The following STRA8 variants were observed in gnomAD, a reference collection of about 807,000 sequenced individuals.
STRA8 encodes stimulated by retinoic acid gene 8 protein homolog.
A neutral mutation model predicts 37.1 loss-of-function variants in STRA8; 18 were observed. That is an observed-to-expected ratio of 0.48 (90% CI 0.34 to 0.72). STRA8 has a LOEUF of 0.72. Among genes scored for constraint, STRA8 ranks in the 30% least tolerant of loss-of-function variants. The probability of loss-of-function intolerance (pLI) is 0.01; values close to 1 mark genes in which losing one functional copy is unlikely to be tolerated. For missense variants in STRA8, 357 were observed against 410.4 expected, an observed-to-expected ratio of 0.87 and a Z score of 1.13; for synonymous variants, 168 against 162.9, an observed-to-expected ratio of 1.03 and a Z score of -0.24.
At chr7:135,250,404 T>A (rs1832620389) in intron 6 of STRA8, among the ~76,000 whole-genome samples, 1 of 152,294 alleles carries the variant, frequency 6.6e-6, no homozygotes, top group Non-Finnish European at 1.5e-5. Context: ...TGATGGACAC[T>A]GAAGCACAGG....
chr7:135,246,463 G>A lies in STRA8; in HGVS notation c.640G>A (p.Gly214Arg), dbSNP rs775801239. ...KQTMDLLTGS[G>R]IITPQEAALP... ...GACGATGGACCTTCTGACTGGCAGC[G>A]GGATCATTACCCCGCAGGAGGCGGC... The change falls in exon 6 of 9, where the codon GGG (glycine) becomes AGG (arginine). Residue 214 changes from glycine to arginine, a missense_variant. Physicochemically the swap from Gly to Arg is moderately radical, Grantham distance 125. Transcript: ENST00000662584. The surrounding 1 kb of genome is among the most constrained non-coding windows in gnomAD (Gnocchi z 5.4). 5 of 1,598,932 alleles carry A rather than the reference G, an allele frequency of 3.1e-6. No homozygotes were observed. The highest frequency in any genetic ancestry group is 4.3e-6 in the Non-Finnish European group (5 of 1,172,282).
At position 135,246,495 on chromosome 7, in the gene STRA8, C is replaced by T. The variant is rs1832557110; in HGVS notation, c.672C>T (p.Pro224=). ...GIITPQEAAL[P]IVSAAISHLW... is the part of the protein sequence containing the mutation. ...TTACCCCGCAGGAGGCGGCGCTGCC[C>T]ATCGTCTCCGCGGCCATCTCCCACC... is the stretch of plus-strand genomic sequence containing the variant. The change falls in exon 6 of 9, where the codon CCC becomes CCT. Residue 224 remains proline (P), a synonymous_variant. Transcript: ENST00000662584. This position sits in a 1 kb window ranked among gnomAD's most constrained non-coding sequence, Gnocchi z 5.4. 4 of 1,580,314 alleles carry T rather than the reference C, an allele frequency of 2.5e-6. No individual in the cohort carries two copies. The highest frequency in any genetic ancestry group is 1.3e-5 in the African/African-American group (1 of 74,150).
At chr7:135,234,812 AG>A (rs1252366311) in intron 1 of STRA8, among the ~76,000 whole-genome samples, 1 of 152,222 alleles carries the variant, frequency 6.6e-6, no homozygotes. Context: ...TTAGACTGAA[AG>A]GTTATGTTTG....
In STRA8 at chr7:135,240,600, G is replaced by A. The variant is rs1205996229; in HGVS notation, c.76G>A (p.Glu26Lys). 1 of 1,614,196 alleles carries A rather than the reference G, an allele frequency of 6.2e-7. No individual in the cohort carries two copies. Among genetic ancestry groups the A allele is most frequent in the Admixed American group, 1.7e-5 (1 of 60,032 alleles). ...GCTGCCAGCACAGCTGCAGGAGCTT[G>A]AGCATCGGGTGGCCCGGAGACGGCT... ...PQLPAQLQEL[E>K]HRVARRRLSQ... Residue 26 changes from glutamate (E) to lysine (K), a missense_variant, in exon 2 of 9, where the codon GAG becomes AAG. Transcript: ENST00000662584.
In STRA8 at chr7:135,246,317, GT is replaced by G. The variant is rs543237428; in HGVS notation, c.594-99del. On this transcript the variant is annotated intron_variant, in intron 5 of 8. Coordinates refer to ENST00000662584, the MANE Select transcript of STRA8 (RefSeq NM_001394401.1). The surrounding 1 kb of genome is among the most constrained non-coding windows in gnomAD (Gnocchi z 5.4). Reference sequence around the variant, plus strand: ...CTCAGCCCTGGTGAGCCGTGGCGCCGTGGCCGGGCCTGCGTGCTGGGGTCCA... The same window carrying G: ...CTCAGCCCTGGTGAGCCGTGGCGCCGGGCCGGGCCTGCGTGCTGGGGTCCA... 780 of 1,494,076 alleles carry G rather than the reference GT, an allele frequency of 5.2e-4. 4 individuals are homozygous for G. Among genetic ancestry groups the G allele is most frequent in the South Asian group, 4.8e-3 (393 of 82,028 alleles). 92.6% of individuals were successfully genotyped at this position (1,494,076 alleles called of 1,614,324 possible). A position where few individuals can be genotyped will look rare whatever the true frequency, so the allele number is the denominator to read the frequency against.
At chr7:135,257,097 T>C (rs1018874565) in intron 8 of STRA8, among the ~76,000 whole-genome samples, 2 of 152,188 alleles carry the variant, frequency 1.3e-5, no homozygotes, top group African/African-American at 4.8e-5. Flanking sequence ...CCTGCCCCTA[T>C]CAGGAGAGCA....
At chr7:135,238,328 C>T (rs1006583952) in intron 1 of STRA8, among the ~76,000 whole-genome samples, 3 of 152,202 alleles carry the variant, frequency 2.0e-5, no homozygotes, top group Non-Finnish European at 2.9e-5. Flanking sequence ...TAGGGGCGAG[C>T]AGCCCTGGCG....
At chr7:135,253,877 T>G (rs1452516115) in intron 7 of STRA8, among the ~76,000 whole-genome samples, 2 of 152,226 alleles carry the variant, frequency 1.3e-5, no homozygotes, top group Non-Finnish European at 2.9e-5. Flanking sequence ...AATGAATATC[T>G]CATTGTCCTC....
Position 135,243,416 on chromosome 7 carries a change from A to G in STRA8, c.353+6A>G, listed in dbSNP as rs1242735133. Reference sequence around the variant, plus strand: ...ATGTATTCTGGAAATGACAGGTAAGACACCACAAACCCCAGGAAGCTGGGG... The same window carrying G: ...ATGTATTCTGGAAATGACAGGTAAGGCACCACAAACCCCAGGAAGCTGGGG... On this transcript the variant is annotated splice_donor_region_variant and intron_variant, in intron 4 of 8. Transcript: ENST00000662584. The G allele has an allele frequency of 6.2e-7, 1 of 1,613,838 alleles. No individual in the cohort carries two copies.
chr7:135,237,374 A>G (rs1177796115), intron 1 of STRA8, among the ~76,000 whole-genome samples: 5 of 152,216 alleles, frequency 3.3e-5, no homozygotes, highest in East Asian at 3.8e-4. Context: ...TTTTTAAGTA[A>G]CAGATCACTT....
rs1832735922 is a variant in STRA8 at position 135,258,565 on chromosome 7, G to C, written c.*73G>C. ...CCCAAGGTTGAATGCTGGCAGCTAA[G>C]GTTGCACCTGCCTTGGCCTCCAGGA... On this transcript the variant is annotated 3_prime_UTR_variant, in exon 9 of 9. Coordinates refer to ENST00000662584, the MANE Select transcript of STRA8 (RefSeq NM_001394401.1). The C allele has an allele frequency of 1.5e-6, 2 of 1,326,188 alleles. No homozygotes were observed. Among genetic ancestry groups the C allele is most frequent in the African/African-American group, 1.5e-5 (1 of 68,494 alleles). 82.2% of individuals were successfully genotyped at this position (1,326,188 alleles called of 1,614,324 possible).
intron 1 of STRA8, among the ~76,000 whole-genome samples, chr7:135,235,287 G>A (rs1477002389): frequency 6.6e-6 from 1 of 152,148 alleles, no homozygotes; most frequent in African/African-American, 2.4e-5. Flanking sequence ...CAGAGAGAGT[G>A]TTCAGTAAAC....
intron 7 of STRA8, among the ~76,000 whole-genome samples, chr7:135,252,938 A>ATT (rs888085048): frequency 6.7e-6 from 1 of 148,262 alleles, no homozygotes; most frequent in African/African-American, 2.5e-5. Flanking sequence ...CTTTAAAAAA[A>ATT]TTTTTTTTTT....
At chr7:135,251,537 T>G (rs1476876112) in intron 6 of STRA8, among the ~76,000 whole-genome samples, 1 of 152,130 alleles carries the variant, frequency 6.6e-6, no homozygotes, top group Admixed American at 6.5e-5. Flanking sequence ...GCAAGAGGAA[T>G]CACAATCCCC....
intron 8 of STRA8, among the ~76,000 whole-genome samples, chr7:135,256,751 G>C (rs1832708715): frequency 6.6e-6 from 1 of 152,190 alleles, no homozygotes; most frequent in South Asian, 2.1e-4. Flanking sequence ...GTTACAGTGA[G>C]CTGAGATCAA....
upstream of STRA8, chr7:135,232,096 C>A (rs373193588): frequency 6.2e-6 from 7 of 1,138,062 alleles, no homozygotes; most frequent in African/African-American, 3.1e-5. Context: ...GGGTGCACAT[C>A]TGCTTGTGTG....
Position 135,252,010 on chromosome 7 carries a change from G to GAA in STRA8, c.953+142_953+143insAA, listed in dbSNP as rs1201413357. ...GAGAGAGGAGACAGAGGGAGAGAGA[G>GAA]AGAGTGTGTGTGTGTGTGTGTGTGT... On this transcript the variant is annotated intron_variant, in intron 7 of 8. Transcript: ENST00000662584. The GAA allele has an allele frequency of 2.5e-5, 18 of 731,910 alleles. No homozygotes were observed. The African/African-American group carries it at 3.2e-4, about 13-fold the overall frequency. 45.3% of individuals were successfully genotyped at this position (731,910 alleles called of 1,614,324 possible).
At chr7:135,257,926 A>G (rs1303809453) in intron 8 of STRA8, among the ~76,000 whole-genome samples, 2 of 152,230 alleles carry the variant, frequency 1.3e-5, no homozygotes, top group Non-Finnish European at 2.9e-5. Context: ...TACAGATATT[A>G]TATATTCTTT....
At chr7:135,252,066 A>C (rs113868028) in intron 7 of STRA8, among the ~76,000 whole-genome samples, 197 bp downstream of exon 7, 2,244 of 147,394 alleles carry the variant, frequency 0.015, 59 homozygotes, top group African/African-American at 0.054. Context: ...TGGGGTGTTC[A>C]GGGGCCTCTC....
Sources: allele counts gnomAD v4.1 joint callset (sites outside exome capture counted in the v4.1 genomes callset), GRCh38; gene constraint gnomAD v4.1.1; non-coding constraint Gnocchi (gnomAD v3.1); transcripts MANE v1.5; gene names NCBI Gene and HGNC (gene_info 2026-07-23, HGNC 2026-07-21).